Variants in FAM162A observed in about 807,000 individuals in gnomAD.
The protein encoded by FAM162A is protein FAM162A.
FAM162A carries 23 observed loss-of-function variants against 21.8 expected under a neutral mutation model. That is an observed-to-expected ratio of 1.05 (90% confidence interval 0.76 to 1.49). The LOEUF (loss-of-function observed/expected upper bound fraction) is 1.49, where lower values mean the gene tolerates loss of function less well. Among genes scored for constraint, FAM162A ranks in the 40% most tolerant of loss-of-function variants. FAM162A has a pLI of 0.00. For missense variants in FAM162A, 165 were observed against 186.4 expected (o/e 0.89, Z 0.67); for synonymous variants, 53 against 61.3 (o/e 0.86, Z 0.64).
chr3:122,399,825 C>T (rs2075644974), intron 1 of FAM162A, among the ~76,000 whole-genome samples: 1 of 152,136 alleles, frequency 6.6e-6, no homozygotes, highest in Non-Finnish European at 1.5e-5. Flanking sequence ...CCATTCTGGC[C>T]AGGCACGGTG....
intron 1 of FAM162A, chr3:122,401,555 A>C (rs1396930053): frequency 7.9e-7 from 1 of 1,268,028 alleles, no homozygotes; most frequent in African/African-American, 1.5e-5. Flanking sequence ...TTTGTGCCTA[A>C]TTTTTATTTT....
intron 1 of FAM162A, among the ~76,000 whole-genome samples, chr3:122,393,231 G>GCT (rs2075611849): frequency 1.3e-5 from 2 of 152,040 alleles, no homozygotes; most frequent in Admixed American, 1.3e-4. Context: ...TCAAGAGTAA[G>GCT]GACCTCTGAA....
At position 122,409,790 on chromosome 3, in the gene FAM162A, C is replaced by T. The variant is rs200828064; in HGVS notation, c.424C>T (p.Arg142Cys). Residue 142 changes from arginine (R) to cysteine (C), a missense_variant, in exon 5 of 5, where the codon CGT becomes TGT. Coordinates refer to ENST00000477892, the MANE Select transcript of FAM162A (RefSeq NM_014367.4). ...LTSLNLEKKA[R>C]LKEEAAMKAK... ...AAGCTTGAACTTAGAAAAGAAAGCT[C>T]GTCTGAAAGAGGAAGCAGCTATGAA... 1.6e-3 allele frequency: 2,622 copies of T among 1,614,008 alleles called. 7 individuals are homozygous for T. The highest frequency in any genetic ancestry group is 2.2e-3 in the Admixed American group (129 of 59,998).
chr3:122,398,977 A>T (rs1448023115), intron 1 of FAM162A, among the ~76,000 whole-genome samples: 2 of 152,160 alleles, frequency 1.3e-5, no homozygotes, highest in Non-Finnish European at 2.9e-5. Flanking sequence ...CAGGTTTGTT[A>T]TATAGGTAAA....
chr3:122,403,031 A>G (rs968831062), intron 2 of FAM162A, 149 bp downstream of exon 2: 2 of 889,052 alleles, frequency 2.2e-6, no homozygotes, highest in African/African-American at 1.7e-5. Flanking sequence ...GCATGTGCAC[A>G]TGACCAATAT....
chr3:122,407,298 C>T lies in FAM162A; in HGVS notation c.281C>T (p.Ala94Val). The change falls in exon 4 of 5, where the codon GCT becomes GTT. Residue 94 changes from alanine to valine, a missense_variant. Physicochemically the swap from Ala to Val is moderately conservative, Grantham distance 64 (BLOSUM62 0). Transcript: ENST00000477892. The stretch of plus-strand genomic sequence containing the variant: ...ATTACTAGGTTGGAGATGCTTGATG[C>T]TGCAAAGAACAAGATGCGAGTGAAG... ...PETVSLEMLD[A>V]AKNKMRVKIS... The T allele has an allele frequency of 6.2e-7, 1 of 1,613,858 alleles. No homozygotes were observed. The highest frequency in any genetic ancestry group is 8.5e-7 in the Non-Finnish European group (1 of 1,179,860).
chr3:122,394,754 A>G (rs2075619694), intron 1 of FAM162A, among the ~76,000 whole-genome samples: 1 of 152,204 alleles, frequency 6.6e-6, no homozygotes, highest in Admixed American at 6.5e-5. Context: ...TCCAAAATAC[A>G]AAAGAGGAGG....
At chr3:122,397,224 G>C (rs1190826184) in intron 1 of FAM162A, among the ~76,000 whole-genome samples, 1 of 151,916 alleles carries the variant, frequency 6.6e-6, no homozygotes. Flanking sequence ...TAACAGCAAG[G>C]GGGGAAAAGT....
At chr3:122,406,297 A>G (rs1355907143) in intron 3 of FAM162A, among the ~76,000 whole-genome samples, 2 of 152,204 alleles carry the variant, frequency 1.3e-5, no homozygotes, top group African/African-American at 4.8e-5. Flanking sequence ...AGGTGTGGCA[A>G]TGCATGCCTA....
chr3:122,406,132 G>A (rs2107701030), intron 3 of FAM162A, among the ~76,000 whole-genome samples: 1 of 152,246 alleles, frequency 6.6e-6, no homozygotes, highest in Admixed American at 6.5e-5. Flanking sequence ...TATCTCAGGG[G>A]AAAGAAAGCA....
chr3:122,403,645 C>A (rs2075662428), intron 2 of FAM162A, among the ~76,000 whole-genome samples: 1 of 152,146 alleles, frequency 6.6e-6, no homozygotes, highest in Non-Finnish European at 1.5e-5. Flanking sequence ...TGGGTCTTTT[C>A]CCGTCTTCTT....
At chr3:122,394,950 C>T (rs937471426) in intron 1 of FAM162A, among the ~76,000 whole-genome samples, 1 of 152,040 alleles carries the variant, frequency 6.6e-6, no homozygotes, top group African/African-American at 2.4e-5. Flanking sequence ...GGGATGTATG[C>T]TAAAAATGTA....
intron 2 of FAM162A, among the ~76,000 whole-genome samples, chr3:122,403,568 G>C (rs2075662167): frequency 6.6e-6 from 1 of 152,184 alleles, no homozygotes; most frequent in Non-Finnish European, 1.5e-5. Flanking sequence ...AAATGACTCA[G>C]ATGGCATATA....
At chr3:122,391,716 C>G (rs2075605119) in intron 1 of FAM162A, among the ~76,000 whole-genome samples, 1 of 152,222 alleles carries the variant, frequency 6.6e-6, no homozygotes, top group South Asian at 2.1e-4. Flanking sequence ...CTGGCCTTCT[C>G]TTTATGGGCT....
intron 3 of FAM162A, among the ~76,000 whole-genome samples, chr3:122,406,573 G>A (rs757510845): frequency 2.6e-5 from 4 of 152,204 alleles, no homozygotes; most frequent in Non-Finnish European, 5.9e-5. Context: ...GGTTAGAAGA[G>A]CTGCACTTTG....
intron 4 of FAM162A, among the ~76,000 whole-genome samples, chr3:122,408,182 C>T (rs955069835): frequency 1.3e-5 from 2 of 152,102 alleles, no homozygotes; most frequent in Non-Finnish European, 2.9e-5. Flanking sequence ...ACTTAATCAC[C>T]CCCATAACCC....
At chr3:122,396,006 AT>A (rs1199307885) in intron 1 of FAM162A, among the ~76,000 whole-genome samples, 2 of 152,208 alleles carry the variant, frequency 1.3e-5, no homozygotes, top group Non-Finnish European at 2.9e-5. Context: ...CAAAGAATGA[AT>A]TTGGATCCTT....
chr3:122,390,457 A>T (rs1267477254), intron 1 of FAM162A, among the ~76,000 whole-genome samples: 1 of 152,108 alleles, frequency 6.6e-6, no homozygotes, highest in Non-Finnish European at 1.5e-5. Flanking sequence ...CACATCACCT[A>T]TGGTTTTCTC....
intron 1 of FAM162A, among the ~76,000 whole-genome samples, chr3:122,397,076 TTAAAAG>T (rs1162210778): frequency 6.6e-6 from 1 of 152,212 alleles, no homozygotes; most frequent in Non-Finnish European, 1.5e-5. Context: ...ATTTCACACT[TTAAAAG>T]TGAGTTTTAT....
Sources: allele counts gnomAD v4.1 joint callset (sites outside exome capture counted in the v4.1 genomes callset), GRCh38; gene constraint gnomAD v4.1.1; transcripts MANE v1.5; gene names NCBI Gene and HGNC (gene_info 2026-07-23, HGNC 2026-07-21).